SUDS3: variants seen among roughly 807,000 people sequenced by gnomAD.
The protein encoded by SUDS3 is sin3 histone deacetylase corepressor complex component SDS3.
Under a neutral mutation model 53.5 loss-of-function variants are expected in SUDS3, and 23 were observed. The observed-to-expected ratio is 0.43, with a 90% confidence interval of 0.31 to 0.61. The LOEUF is 0.61. Ranked by LOEUF, SUDS3 falls within the 20% of genes least tolerant of loss-of-function variation. SUDS3 has a pLI of 0.10. For missense variants in SUDS3, 291 were observed against 405.9 expected, an observed-to-expected ratio of 0.72 and a Z score of 2.43; for synonymous variants, 150 against 148.5, an observed-to-expected ratio of 1.01 and a Z score of -0.08.
chr12:118,382,724 G>A (rs886370788), intron 2 of SUDS3, among the ~76,000 whole-genome samples: 14 of 150,470 alleles, frequency 9.3e-5, no homozygotes, highest in Admixed American at 6.0e-4. Context: ...CTGGAGTGCA[G>A]TGGCATGATC....
chr12:118,414,896 T>C lies in SUDS3; in HGVS notation c.*463T>C, dbSNP rs2046387110. On this transcript the variant is annotated 3_prime_UTR_variant, in exon 12 of 12. Transcript: ENST00000543473. ...TAGCTACTTTCCCTGTCGCGTCCAATTCACTATTTGCCCAGAAGCTTGGGG... is the reference window on the plus strand; with the variant it reads ...TAGCTACTTTCCCTGTCGCGTCCAACTCACTATTTGCCCAGAAGCTTGGGG... The C allele has an allele frequency of 6.6e-6, 1 of 152,510 alleles. No individual in the cohort carries two copies. The highest frequency in any genetic ancestry group is 2.1e-4 in the South Asian group (1 of 4,852). The allele number at this position is 152,510 out of a possible 1,614,324, so 9.4% of individuals were successfully genotyped here.
intron 10 of SUDS3, among the ~76,000 whole-genome samples, chr12:118,409,477 A>G (rs2046339831): frequency 6.6e-6 from 1 of 152,246 alleles, no homozygotes; most frequent in South Asian, 2.1e-4. Flanking sequence ...GTATTTTCAG[A>G]AAGTACATTG....
rs2046281434 is a variant in SUDS3, at chr12:118,403,409, C to T, written c.698-3C>T. Reference sequence around the variant, plus strand: ...TAGTCACGTAAGTATTGGTTTCCTCCAGCATCTCCATCCTCTCCTGAGCAC... The same window carrying T: ...TAGTCACGTAAGTATTGGTTTCCTCTAGCATCTCCATCCTCTCCTGAGCAC... On this transcript the variant is annotated splice_region_variant and splice_polypyrimidine_tract_variant and intron_variant, in intron 9 of 11. Transcript: ENST00000543473. The T allele has an allele frequency of 6.2e-7, 1 of 1,612,372 alleles. No individual in the cohort carries two copies. The highest frequency in any genetic ancestry group is 8.5e-7 in the Non-Finnish European group (1 of 1,179,072).
In SUDS3 at chr12:118,386,114, GTACAT is replaced by G; in HGVS notation, c.274_278del (p.Leu92GlyfsTer29). The G allele has an allele frequency of 6.3e-7, 1 of 1,588,636 alleles. No individual in the cohort carries two copies. The highest frequency in any genetic ancestry group is 8.6e-7 in the Non-Finnish European group (1 of 1,166,108). ...TTATTTTTCAAATGTTCAAAATCAGGTACATTACAGGAATATCAGAAGAGAATGAA... is the reference window on the plus strand; with the variant it reads ...TTATTTTTCAAATGTTCAAAATCAGGTACAGGAATATCAGAAGAGAATGAA... On this transcript the variant is annotated frameshift_variant and splice_region_variant, in exon 4 of 12. Coordinates refer to ENST00000543473, the MANE Select transcript of SUDS3 (RefSeq NM_022491.3). LOFTEE classifies it high-confidence loss of function.
At chr12:118,397,179 A>G (rs144444565) in intron 6 of SUDS3, among the ~76,000 whole-genome samples, 10 of 152,244 alleles carry the variant, frequency 6.6e-5, no homozygotes, top group South Asian at 2.1e-4. Flanking sequence ...TGGTTGGTGC[A>G]TGATGTCGGA....
chr12:118,384,071 G>A lies in SUDS3; in HGVS notation c.268+4G>A, dbSNP rs759333012. ...CAGTTGCAACAACTGCAAGAAGGTT[G>A]GTGTGTGATTGAATCCTGCATTTCT... On this transcript the variant is annotated splice_donor_region_variant and intron_variant, in intron 3 of 11. Coordinates refer to ENST00000543473, the MANE Select transcript of SUDS3 (RefSeq NM_022491.3). The A allele has an allele frequency of 2.5e-6, 4 of 1,613,192 alleles. No individual in the cohort carries two copies. In the African/African-American group the frequency reaches 4.0e-5, roughly 16 times the overall value.
rs1021447748 is a variant in SUDS3 at position 118,395,607 on chromosome 12, G to C, written c.517+4325G>C. Reference sequence around the variant, plus strand: ...CTGTTTATTGCTCTCCCTTCATAATGGCCAACTTTGGCTTTAAAGAGATTG... The same window carrying C: ...CTGTTTATTGCTCTCCCTTCATAATCGCCAACTTTGGCTTTAAAGAGATTG... On this transcript the variant is annotated intron_variant, in intron 6 of 11. Coordinates refer to ENST00000543473, the MANE Select transcript of SUDS3 (RefSeq NM_022491.3). Among the ~76,000 whole-genome samples, 7 of 152,118 alleles carry C rather than the reference G, an allele frequency of 4.6e-5. No homozygotes were observed. The South Asian group carries it at 6.2e-4, about 14-fold the overall frequency.
At chr12:118,382,829 G>A (rs1474198347) in intron 2 of SUDS3, among the ~76,000 whole-genome samples, 1 of 85,200 alleles carries the variant, frequency 1.2e-5, no homozygotes, top group Non-Finnish European at 2.2e-5. Context: ...CACCACGTCT[G>A]GCTAATTTTT....
intron 11 of SUDS3, among the ~76,000 whole-genome samples, chr12:118,413,480 A>G (rs972345991): frequency 4.6e-5 from 7 of 152,186 alleles, no homozygotes; most frequent in Admixed American, 4.6e-4. Flanking sequence ...AATGGGGCCA[A>G]TGATAGTAGT....
chr12:118,379,980 G>A (rs1429178308), intron 1 of SUDS3, among the ~76,000 whole-genome samples, 182 bp from the exon 2 acceptor site: 4 of 152,180 alleles, frequency 2.6e-5, no homozygotes, highest in East Asian at 3.8e-4. Context: ...CACAGGTTTC[G>A]TGTTTGCAGA....
chr12:118,397,272 T>G (rs1012900360), intron 6 of SUDS3, among the ~76,000 whole-genome samples: 2 of 152,096 alleles, frequency 1.3e-5, no homozygotes, highest in African/African-American at 4.8e-5. Context: ...TCTGGAAGTT[T>G]GATTTTTGTC....
chr12:118,393,399 G>C (rs1029417696), intron 6 of SUDS3, among the ~76,000 whole-genome samples: 1 of 152,116 alleles, frequency 6.6e-6, no homozygotes, highest in Non-Finnish European at 1.5e-5. Flanking sequence ...TGTATTTGGC[G>C]ACCTGCTCTT....
intron 11 of SUDS3, among the ~76,000 whole-genome samples, chr12:118,412,490 A>G (rs2046367637): frequency 6.6e-6 from 1 of 152,204 alleles, no homozygotes; most frequent in South Asian, 2.1e-4. Flanking sequence ...AGCCTTCTAG[A>G]TAAATGAATG....
At chr12:118,401,064 T>A (rs1434192592) in intron 7 of SUDS3, among the ~76,000 whole-genome samples, 1 of 152,246 alleles carries the variant, frequency 6.6e-6, no homozygotes, top group African/African-American at 2.4e-5. Flanking sequence ...TTGATGTGCC[T>A]TAATTTTTTC....
intron 11 of SUDS3, among the ~76,000 whole-genome samples, chr12:118,413,759 G>C (rs556003550): frequency 5.9e-5 from 9 of 152,310 alleles, no homozygotes; most frequent in African/African-American, 2.2e-4. Flanking sequence ...GGGGGATATG[G>C]TGAGGAGGGA....
At chr12:118,396,318 C>T (rs192186027) in intron 6 of SUDS3, among the ~76,000 whole-genome samples, 7 of 152,298 alleles carry the variant, frequency 4.6e-5, no homozygotes, top group South Asian at 2.1e-4. Flanking sequence ...TGCAGTGGCA[C>T]GATCTCAGCT....
At chr12:118,386,503 G>A (rs1359442583) in intron 4 of SUDS3, among the ~76,000 whole-genome samples, 1 of 152,108 alleles carries the variant, frequency 6.6e-6, no homozygotes, top group Non-Finnish European at 1.5e-5. Context: ...ACAGTCAGAA[G>A]TGCGGATGAG....
intron 1 of SUDS3, 61 bp downstream of exon 1, chr12:118,376,894 G>A: frequency 2.8e-6 from 4 of 1,426,676 alleles, no homozygotes; most frequent in Admixed American, 2.7e-5. Context: ...GGGAGGGGGT[G>A]GGGCTGTTCG....
chr12:118,376,608 C>T lies in SUDS3; in HGVS notation c.-84C>T, dbSNP rs763193740. ...CCGGTCCTCGAGTTGGGGGCTGCCG[C>T]GGACACTGCTAGGCAGACGGCGAGT... On this transcript the variant is annotated 5_prime_UTR_variant, in exon 1 of 12. Transcript: ENST00000543473. 5.7e-5 allele frequency: 73 copies of T among 1,272,208 alleles called. No individual in the cohort carries two copies. Among genetic ancestry groups the T allele is most frequent in the Admixed American group, 2.5e-4 (6 of 23,922 alleles). 78.8% of individuals were successfully genotyped at this position (1,272,208 alleles called of 1,614,324 possible).
Sources: gnomAD v4.1 joint callset for allele counts (sites outside exome capture counted in the v4.1 genomes callset) on GRCh38, gnomAD v4.1.1 for gene constraint, MANE v1.5 for transcripts, NCBI Gene and HGNC (gene_info 2026-07-23, HGNC 2026-07-21) for gene names.